Variants in SCARB1 observed in about 807,000 individuals in gnomAD.
SCARB1 encodes the protein CD36 and LIMPII analogous 1.
In SCARB1, 30 loss-of-function variants were observed where a neutral mutation model predicts 57.2. The observed-to-expected ratio is 0.52, with a 90% CI of 0.39 to 0.71. The LOEUF (loss-of-function observed/expected upper bound fraction) is 0.71. SCARB1 is among the 30% of genes least tolerant of loss of function. SCARB1 has a pLI of 0.00. For missense variants in SCARB1, 543 were observed against 671.2 expected (o/e 0.81, Z 2.11); for synonymous variants, 249 against 268.3 (o/e 0.93, Z 0.70).
At chr12:124,830,438 G>A (rs932905514) in intron 1 of SCARB1, among the ~76,000 whole-genome samples, 1 of 152,072 alleles carries the variant, frequency 6.6e-6, no homozygotes, top group African/African-American at 2.4e-5. Flanking sequence ...CAACACAAAT[G>A]TCTACAAGCA....
chr12:124,828,181 C>T (rs541552191), intron 1 of SCARB1, among the ~76,000 whole-genome samples: 1 of 151,762 alleles, frequency 6.6e-6, no homozygotes, highest in African/African-American at 2.4e-5. Flanking sequence ...GGCAACAACT[C>T]GGTAAATGTG....
chr12:124,786,818 A>G (rs1432169179), intron 10 of SCARB1, among the ~76,000 whole-genome samples: 1 of 152,158 alleles, frequency 6.6e-6, no homozygotes, highest in Non-Finnish European at 1.5e-5. Flanking sequence ...TGGCGGGGCC[A>G]CCGGGGCCCT....
intron 9 of SCARB1, among the ~76,000 whole-genome samples, chr12:124,794,186 A>G (rs1337154395): frequency 1.3e-5 from 2 of 152,164 alleles, no homozygotes; most frequent in African/African-American, 4.8e-5. Context: ...TCTTTTGGGG[A>G]TGATGAAAAT....
intron 1 of SCARB1, among the ~76,000 whole-genome samples, chr12:124,830,550 C>T (rs1951343109): frequency 6.6e-6 from 1 of 152,116 alleles, no homozygotes; most frequent in Non-Finnish European, 1.5e-5. Context: ...GTAAATCACA[C>T]ACAGGGACCA....
chr12:124,815,788 C>T (rs1950689547), intron 2 of SCARB1, among the ~76,000 whole-genome samples: 2 of 152,160 alleles, frequency 1.3e-5, no homozygotes, highest in South Asian at 4.1e-4. Context: ...ATCGCTTGAA[C>T]CTGGGGGGCG....
intron 11 of SCARB1, chr12:124,783,549 A>C (rs1949392991): frequency 6.6e-6 from 1 of 152,238 alleles, no homozygotes; most frequent in Admixed American, 6.5e-5. Flanking sequence ...GCGGCAGATC[A>C]TGAGGTCAGG....
chr12:124,816,961 C>T (rs1950740692), intron 2 of SCARB1, among the ~76,000 whole-genome samples: 1 of 151,668 alleles, frequency 6.6e-6, no homozygotes, highest in Admixed American at 6.6e-5. Flanking sequence ...CCGTGCTGAC[C>T]CACCCGGTCC....
chr12:124,811,316 C>T (rs1345347699), intron 5 of SCARB1, among the ~76,000 whole-genome samples: 3 of 152,214 alleles, frequency 2.0e-5, no homozygotes, highest in African/African-American at 7.2e-5. Context: ...TCTTCTCACC[C>T]AGGCTGAAGT....
rs1371612593 is a variant in SCARB1 at position 124,814,479 on chromosome 12, T to TCA, written c.427-76_427-75dup. The TCA allele has an allele frequency of 2.0e-6, 3 of 1,490,484 alleles. No homozygotes were observed. Among genetic ancestry groups the TCA allele is most frequent in the Non-Finnish European group, 1.9e-6 (2 of 1,071,936 alleles). The allele number at this position is 1,490,484 out of a possible 1,614,324, so 92.3% of individuals were successfully genotyped here. ...ATCCTCCCTTGGCCCCAGCTGGGCC[T>TCA]CACAGCAAAGAGCCCATGAAGGGAA... On this transcript the variant is annotated intron_variant, in intron 3 of 12. Coordinates refer to ENST00000261693, the MANE Select transcript of SCARB1 (RefSeq NM_005505.5). This position sits in a 1 kb window ranked among gnomAD's most constrained non-coding sequence, Gnocchi z 4.7.
rs766806956 is a variant in SCARB1 at position 124,815,049 on chromosome 12, C to T, written c.350G>A (p.Arg117His). Residue 117 changes from arginine to histidine, a missense_variant, in exon 3 of 13, where the codon CGC (arginine) becomes CAC (histidine). By Grantham distance (29) the Arg-to-His change is conservative (BLOSUM62 0). Transcript: ENST00000261693. ...CTTGGAGGGCTGGAACTGGAAGGTG[C>T]GGTACTCGAGGAAGGACACGGTGTC... Reference protein sequence around the residue: ...NNDTVSFLEYRTFQFQPSKSH... With the variant: ...NNDTVSFLEYHTFQFQPSKSH... The T allele has an allele frequency of 3.1e-6, 5 of 1,613,996 alleles. No homozygotes were observed. Among genetic ancestry groups the T allele is most frequent in the African/African-American group, 2.7e-5 (2 of 74,926 alleles).
intron 1 of SCARB1, among the ~76,000 whole-genome samples, chr12:124,821,103 T>C (rs1277875732): frequency 6.6e-6 from 1 of 151,960 alleles, no homozygotes; most frequent in Non-Finnish European, 1.5e-5. Flanking sequence ...CCATCCGTGG[T>C]GGCAGGTGCC....
At chr12:124,823,157 G>T (rs942441230) in intron 1 of SCARB1, among the ~76,000 whole-genome samples, 35 of 152,272 alleles carry the variant, frequency 2.3e-4, no homozygotes, top group African/African-American at 8.2e-4. Context: ...TGAAAATTCT[G>T]TTTCCTGATC....
chr12:124,858,162 C>T (rs1365767634), intron 1 of SCARB1, among the ~76,000 whole-genome samples: 2 of 152,214 alleles, frequency 1.3e-5, no homozygotes, highest in African/African-American at 4.8e-5. Flanking sequence ...CACACACACA[C>T]GTGCACACAT....
At chr12:124,838,694 G>A (rs12582221) in intron 1 of SCARB1, among the ~76,000 whole-genome samples, 50,430 of 151,156 alleles carry the variant, frequency 0.33, 9,785 homozygotes, top group Non-Finnish European at 0.43. Context: ...AGGAGGGGCC[G>A]GTACCATTTC....
intron 1 of SCARB1, among the ~76,000 whole-genome samples, chr12:124,845,183 C>T (rs1952091255): frequency 6.6e-6 from 1 of 152,248 alleles, no homozygotes; most frequent in Middle Eastern, 3.4e-3. Context: ...CGAACATGCG[C>T]GCTCCCAGCA....
intron 7 of SCARB1, among the ~76,000 whole-genome samples, chr12:124,804,664 A>C (rs1019495915): frequency 6.6e-6 from 1 of 152,232 alleles, no homozygotes; most frequent in Non-Finnish European, 1.5e-5. Flanking sequence ...CGGGCGTCCC[A>C]GGCCCCAGCT....
intron 1 of SCARB1, among the ~76,000 whole-genome samples, chr12:124,833,231 C>T (rs1389383156): frequency 6.7e-6 from 1 of 149,928 alleles, no homozygotes; most frequent in African/African-American, 2.5e-5. Context: ...CACTCTGTTG[C>T]CAGGCTGGAA....
chr12:124,778,668 A>G, intron 12 of SCARB1, 82 bp from the exon 13 acceptor site: 1 of 1,180,188 alleles, frequency 8.5e-7, no homozygotes, highest in Admixed American at 6.6e-5. Flanking sequence ...ACAGCCCTGT[A>G]CCCACATCCC....
rs751827636 is a variant in SCARB1 at position 124,807,756 on chromosome 12, C to T, written c.1009+5G>A. 2 of 1,614,034 alleles carry T rather than the reference C, an allele frequency of 1.2e-6. No individual in the cohort carries two copies. The highest frequency in any genetic ancestry group is 8.5e-7 in the Non-Finnish European group (1 of 1,179,954). ...CGCCATCCCAGCACAGGGGACGGCA[C>T]GTACTGAACCTGCAGGTGCTGACGT... is the stretch of plus-strand genomic sequence containing the variant. On this transcript the variant is annotated splice_donor_5th_base_variant and intron_variant, in intron 7 of 12. Coordinates refer to ENST00000261693, the MANE Select transcript of SCARB1 (RefSeq NM_005505.5). The surrounding 1 kb of genome is among the most constrained non-coding windows in gnomAD (Gnocchi z 5.3).
Sources: gnomAD v4.1 joint callset for allele counts (sites outside exome capture counted in the v4.1 genomes callset) on GRCh38, gnomAD v4.1.1 for gene constraint, Gnocchi (gnomAD v3.1) non-coding constraint, MANE v1.5 for transcripts, NCBI Gene and HGNC (gene_info 2026-07-23, HGNC 2026-07-21) for gene names.